Variants in ZFAND4 observed in about 807,000 individuals in gnomAD.
ZFAND4 encodes the protein zinc finger AN1-type containing 4, also known as AN1-type zinc finger protein 4.
In ZFAND4, 43 loss-of-function variants were observed where a neutral mutation model predicts 64.4. The observed-to-expected ratio is 0.67, with a 90% CI of 0.52 to 0.86. ZFAND4 has a LOEUF of 0.86. ZFAND4 is among the 40% of genes least tolerant of loss of function. The pLI, the probability that ZFAND4 is intolerant of heterozygous loss-of-function variation, is 0.00. For missense variants in ZFAND4, 929 were observed against 859.8 expected (o/e 1.08, Z -1.01); for synonymous variants, 296 against 305.7 (o/e 0.97, Z 0.33).
intron 4 of ZFAND4, chr10:45,651,428 G>A: frequency 2.7e-6 from 1 of 367,416 alleles, no homozygotes; most frequent in East Asian, 7.3e-5. Flanking sequence ...ACCATACTTG[G>A]AACATTGCAC....
At chr10:45,619,243 C>T (rs1298185650) in intron 8 of ZFAND4, among the ~76,000 whole-genome samples, 1 of 149,548 alleles carries the variant, frequency 6.7e-6, no homozygotes, top group Non-Finnish European at 1.5e-5. Context: ...GTTTCACCAT[C>T]TTGGTCAGTC....
intron 6 of ZFAND4, among the ~76,000 whole-genome samples, chr10:45,630,141 A>C (rs2046103754): frequency 6.6e-6 from 1 of 152,152 alleles, no homozygotes; most frequent in Non-Finnish European, 1.5e-5. Flanking sequence ...GAGAATCAGA[A>C]CATTTTAGCT....
In ZFAND4 at chr10:45,618,219, G is replaced by T. The variant is rs747080697; in HGVS notation, c.1969C>A (p.Leu657Ile). ...TTTGTTGTTTTCTTCTTTGTCTGAAGAGGGGCTTTCACAGGTGGGAGGTGA... is the reference window on the plus strand; with the variant it reads ...TTTGTTGTTTTCTTCTTTGTCTGAATAGGGGCTTTCACAGGTGGGAGGTGA... ...THHLPPVKAP[L>I]QTKKKTTNHC... The change falls in exon 9 of 10, where the codon CTT becomes ATT. Residue 657 changes from leucine to isoleucine, a missense_variant. By Grantham distance (5) the Leu-to-Ile change is conservative. Transcript: ENST00000344646. 2 of 1,613,648 alleles carry T rather than the reference G, an allele frequency of 1.2e-6. No individual in the cohort carries two copies. The highest frequency in any genetic ancestry group is 3.3e-5 in the Admixed American group (2 of 59,928).
chr10:45,627,293 T>G lies in ZFAND4; in HGVS notation c.718-188A>C, dbSNP rs551657656. ...AGATGCTATTTTCCTTCACTGAGTA[T>G]ACTTTTCTGGGAATATTAAAGAAAA... On this transcript the variant is annotated intron_variant, in intron 6 of 9. Coordinates refer to ENST00000344646, the MANE Select transcript of ZFAND4 (RefSeq NM_174890.4). 8.3e-4 allele frequency among the ~76,000 whole-genome samples: 127 copies of G among 152,340 alleles called. 1 individual carries two copies. Among genetic ancestry groups the G allele is most frequent in the African/African-American group, 2.9e-3 (121 of 41,580 alleles).
At chr10:45,644,578 T>C (rs1248265486) in intron 5 of ZFAND4, among the ~76,000 whole-genome samples, 1 of 152,228 alleles carries the variant, frequency 6.6e-6, no homozygotes, top group African/African-American at 2.4e-5. Flanking sequence ...TAATTCACTA[T>C]TGATCACAGC....
intron 6 of ZFAND4, among the ~76,000 whole-genome samples, chr10:45,636,114 C>T (rs1375483265): frequency 6.6e-6 from 1 of 152,004 alleles, no homozygotes; most frequent in Non-Finnish European, 1.5e-5. Context: ...TTCATTCTAA[C>T]AATGCAAGAC....
At chr10:45,624,681 G>A in intron 7 of ZFAND4, 44 bp from the exon 8 acceptor site, 1 of 1,476,390 alleles carries the variant, frequency 6.8e-7, no homozygotes, top group South Asian at 1.2e-5. Context: ...AGTCAATGAA[G>A]AATAGAAATG....
At position 45,663,599 on chromosome 10, in the gene ZFAND4, TCAGCTCAAAA is replaced by T; in HGVS notation, c.117_126del (p.Cys39Ter). The T allele has an allele frequency of 6.2e-7, 1 of 1,609,678 alleles. No individual in the cohort carries two copies. Among genetic ancestry groups the T allele is most frequent in the Non-Finnish European group, 8.5e-7 (1 of 1,178,856 alleles). The stretch of plus-strand genomic sequence containing the variant: ...ATAACAGTTTCAAAAGGTGAAACTC[TCAGCTCAAAA>T]CATGTTCCAGTTAATGTTTCAATGA... On this transcript the variant is annotated frameshift_variant, in exon 2 of 10. Coordinates refer to ENST00000344646, the MANE Select transcript of ZFAND4 (RefSeq NM_174890.4). LOFTEE classifies it high-confidence loss of function.
intron 7 of ZFAND4, 42 bp from the exon 8 acceptor site, chr10:45,624,679 A>G: frequency 6.6e-7 from 1 of 1,503,794 alleles, no homozygotes; most frequent in Non-Finnish European, 9.2e-7. Flanking sequence ...TGAGTCAATG[A>G]AGAATAGAAA....
At chr10:45,619,213 G>A (rs191924297) in intron 8 of ZFAND4, among the ~76,000 whole-genome samples, 5 of 150,376 alleles carry the variant, frequency 3.3e-5, no homozygotes, top group African/African-American at 1.2e-4. Context: ...TTTTTTTTTT[G>A]TATTTTTAGT....
At chr10:45,645,798 C>T (rs2047339067) in intron 5 of ZFAND4, among the ~76,000 whole-genome samples, 2 of 152,024 alleles carry the variant, frequency 1.3e-5, no homozygotes, top group South Asian at 2.1e-4. Flanking sequence ...GTTTTTATAC[C>T]TCAGTGCAAT....
intron 5 of ZFAND4, among the ~76,000 whole-genome samples, chr10:45,647,663 A>G (rs1221752672): frequency 6.6e-6 from 1 of 152,116 alleles, no homozygotes; most frequent in Admixed American, 6.6e-5. Flanking sequence ...TACTCTTCAT[A>G]GCAGACTGCA....
At chr10:45,669,092 A>T (rs1185021398) in intron 1 of ZFAND4, among the ~76,000 whole-genome samples, 7 of 152,234 alleles carry the variant, frequency 4.6e-5, no homozygotes. Flanking sequence ...TCCCTTCAAA[A>T]AATCAATGAA....
chr10:45,654,736 C>A (rs1432776794), intron 2 of ZFAND4, among the ~76,000 whole-genome samples: 2 of 151,610 alleles, frequency 1.3e-5, no homozygotes, highest in African/African-American at 4.8e-5. Context: ...GAGTTTAAAG[C>A]AACAATATTA....
At chr10:45,651,613 G>A (rs200980981) in intron 4 of ZFAND4, 1 of 476,166 alleles carries the variant, frequency 2.1e-6, no homozygotes. Flanking sequence ...TCATCATCTT[G>A]GGATTTGAAG....
At chr10:45,647,133 C>T (rs1446266451) in intron 5 of ZFAND4, among the ~76,000 whole-genome samples, 2 of 152,148 alleles carry the variant, frequency 1.3e-5, no homozygotes, top group Admixed American at 6.5e-5. Flanking sequence ...TGGCAAAGGA[C>T]GTTGCAGATG....
chr10:45,624,676 A>T, intron 7 of ZFAND4, 39 bp from the exon 8 acceptor site: 3 of 1,531,246 alleles, frequency 2.0e-6, no homozygotes, highest in Non-Finnish European at 2.7e-6. Flanking sequence ...AGGTGAGTCA[A>T]TGAAGAATAG....
intron 2 of ZFAND4, among the ~76,000 whole-genome samples, chr10:45,660,284 G>A (rs2048386134): frequency 1.3e-5 from 2 of 151,946 alleles, no homozygotes; most frequent in South Asian, 4.2e-4. Flanking sequence ...CCAGGAGGTC[G>A]AGTCCAGCCT....
chr10:45,633,821 A>C (rs75085022), intron 6 of ZFAND4, among the ~76,000 whole-genome samples: 9,092 of 152,240 alleles, frequency 0.06, 395 homozygotes, highest in African/African-American at 0.12. Flanking sequence ...TTTACAAAAC[A>C]ACTGATCTAT....
Sources: allele counts gnomAD v4.1 joint callset (sites outside exome capture counted in the v4.1 genomes callset), GRCh38; gene constraint gnomAD v4.1.1; transcripts MANE v1.5; gene names NCBI Gene and HGNC (gene_info 2026-07-23, HGNC 2026-07-21).